SNX3: variants seen among roughly 807,000 people sequenced by gnomAD.
SNX3 encodes the protein sorting nexin 3.
Under a neutral mutation model 17.7 loss-of-function variants are expected in SNX3, and 5 were observed. That is an observed-to-expected ratio of 0.28 (90% CI 0.15 to 0.59). SNX3 has a LOEUF of 0.59. SNX3 is among the 20% of genes least tolerant of loss of function. The probability of loss-of-function intolerance (pLI) is 0.88; values close to 1 mark genes in which losing one functional copy is unlikely to be tolerated. For missense variants in SNX3, 132 were observed against 206.8 expected, an observed-to-expected ratio of 0.64 and a Z score of 2.22; for synonymous variants, 91 against 76.5, an observed-to-expected ratio of 1.19 and a Z score of -0.99.
intron 1 of SNX3, among the ~76,000 whole-genome samples, chr6:108,223,767 G>A (rs1774890159): frequency 6.6e-6 from 1 of 152,106 alleles, no homozygotes; most frequent in Non-Finnish European, 1.5e-5. Context: ...CTCCCAAAAT[G>A]CTACGCTTAC....
intron 1 of SNX3, among the ~76,000 whole-genome samples, chr6:108,259,859 T>A (rs991387425): frequency 2.0e-5 from 3 of 152,236 alleles, no homozygotes; most frequent in Non-Finnish European, 4.4e-5. Context: ...ACTTAACTTT[T>A]AATAATTTGC....
intron 1 of SNX3, among the ~76,000 whole-genome samples, chr6:108,253,462 G>A (rs151092203): frequency 4.0e-4 from 59 of 147,528 alleles, no homozygotes; most frequent in African/African-American, 1.4e-3. Flanking sequence ...AGACATGGAT[G>A]ATGCAAGACA....
At chr6:108,223,077 G>A (rs1774853419) in intron 1 of SNX3, 32 bp from the exon 2 acceptor site, 2 of 1,218,212 alleles carry the variant, frequency 1.6e-6, no homozygotes, top group Non-Finnish European at 2.4e-6. Context: ...CTAAATTGAA[G>A]CACATTAAGG....
chr6:108,251,180 A>G (rs1366164955), intron 1 of SNX3, among the ~76,000 whole-genome samples: 1 of 152,154 alleles, frequency 6.6e-6, no homozygotes, highest in Admixed American at 6.6e-5. Context: ...TCTCAACTTA[A>G]CAAAATTAAT....
chr6:108,244,668 T>G, intron 1 of SNX3, among the ~76,000 whole-genome samples: 1 of 146,464 alleles, frequency 6.8e-6, no homozygotes, highest in East Asian at 2.0e-4. Flanking sequence ...TTTTTTTTTT[T>G]TTTGCTCTGT....
At chr6:108,214,678 T>G in intron 2 of SNX3, 56 bp from the exon 3 acceptor site, 2 of 1,569,720 alleles carry the variant, frequency 1.3e-6, no homozygotes, top group Non-Finnish European at 1.7e-6. Context: ...TGAAAATTTA[T>G]AGAGCACAAC....
At position 108,257,510 on chromosome 6, in the gene SNX3, T is replaced by G. The variant is rs376748891; in HGVS notation, c.162+3250A>C. On this transcript the variant is annotated intron_variant, in intron 1 of 3. Transcript: ENST00000230085. ...CCTGGGCTACAGAACGAGACTCTTA[T>G]CTCAAGAAGAAAAAAATTACAAAAT... is the stretch of plus-strand genomic sequence containing the variant. Among the ~76,000 whole-genome samples, 4 of 152,156 alleles carry G rather than the reference T, an allele frequency of 2.6e-5. No homozygotes were observed. In the East Asian group the frequency reaches 5.8e-4, roughly 22 times the overall value.
intron 1 of SNX3, among the ~76,000 whole-genome samples, chr6:108,232,655 C>T (rs1208429567): frequency 6.6e-6 from 1 of 152,172 alleles, no homozygotes; most frequent in Non-Finnish European, 1.5e-5. Flanking sequence ...AAGAGACTGG[C>T]AACAACATCA....
intron 3 of SNX3, 63 bp from the exon 4 acceptor site, chr6:108,212,317 A>C (rs1774431330): frequency 1.8e-6 from 2 of 1,139,784 alleles, no homozygotes; most frequent in Non-Finnish European, 2.5e-6. Flanking sequence ...TTCAAAACAC[A>C]TATTTTAAAG....
intron 1 of SNX3, among the ~76,000 whole-genome samples, chr6:108,233,068 T>G (rs1465396526): frequency 6.6e-6 from 1 of 152,240 alleles, no homozygotes; most frequent in Non-Finnish European, 1.5e-5. Context: ...GAAGTATCCT[T>G]TATGGTATAA....
chr6:108,232,047 T>C (rs1775177615), intron 1 of SNX3, among the ~76,000 whole-genome samples: 1 of 152,198 alleles, frequency 6.6e-6, no homozygotes, highest in African/African-American at 2.4e-5. Flanking sequence ...GAGAATATAT[T>C]TTGCTTGGCT....
intron 1 of SNX3, among the ~76,000 whole-genome samples, chr6:108,241,734 T>A (rs1403471152): frequency 6.6e-6 from 1 of 152,134 alleles, no homozygotes; most frequent in Non-Finnish European, 1.5e-5. Context: ...CAGGAGGCAA[T>A]CTAACTCAGA....
At chr6:108,246,864 C>A (rs988980581) in intron 1 of SNX3, among the ~76,000 whole-genome samples, 9 of 152,054 alleles carry the variant, frequency 5.9e-5, no homozygotes, top group Non-Finnish European at 1.2e-4. Flanking sequence ...CAAGTCCACA[C>A]TGGATTAGCT....
intron 2 of SNX3, among the ~76,000 whole-genome samples, chr6:108,220,873 C>T (rs1774743736): frequency 2.0e-5 from 3 of 151,610 alleles, no homozygotes; most frequent in Admixed American, 2.0e-4. Context: ...CCCAGCTACT[C>T]GGGAGGCTGA....
In SNX3 at chr6:108,229,841, C is replaced by T. The variant is rs544468835; in HGVS notation, c.163-6796G>A. 7.2e-4 allele frequency among the ~76,000 whole-genome samples: 110 copies of T among 152,246 alleles called. 1 individual carries two copies. The highest frequency in any genetic ancestry group is 2.6e-3 in the African/African-American group (106 of 41,534). On this transcript the variant is annotated intron_variant, in intron 1 of 3. Coordinates refer to ENST00000230085, the MANE Select transcript of SNX3 (RefSeq NM_003795.6). ...ATAAAACTGAAAAGTTTAAATTGCACTCTAAATATGGGGCTAAGGTGACTA... is the reference window on the plus strand; with the variant it reads ...ATAAAACTGAAAAGTTTAAATTGCATTCTAAATATGGGGCTAAGGTGACTA...
At chr6:108,216,627 CTG>C (rs1199488334) in intron 2 of SNX3, among the ~76,000 whole-genome samples, 1 of 152,044 alleles carries the variant, frequency 6.6e-6, no homozygotes, top group Non-Finnish European at 1.5e-5. Flanking sequence ...ATATAGTAAA[CTG>C]ATACATATTT....
At chr6:108,239,799 T>C (rs1775463036) in intron 1 of SNX3, among the ~76,000 whole-genome samples, 2 of 152,198 alleles carry the variant, frequency 1.3e-5, no homozygotes, top group Non-Finnish European at 2.9e-5. Flanking sequence ...CTCTACTAAA[T>C]GAGCATTTAA....
intron 1 of SNX3, among the ~76,000 whole-genome samples, chr6:108,257,508 TATCTC>T (rs1450663619): frequency 6.6e-6 from 1 of 152,294 alleles, no homozygotes; most frequent in African/African-American, 2.4e-5. Context: ...ACGAGACTCT[TATCTC>T]AAGAAGAAAA....
intron 1 of SNX3, among the ~76,000 whole-genome samples, chr6:108,249,214 A>C (rs1320377329): frequency 6.6e-6 from 1 of 152,090 alleles, no homozygotes; most frequent in Non-Finnish European, 1.5e-5. Flanking sequence ...TACACACACA[A>C]AACCCCACAA....
Sources: allele counts gnomAD v4.1 joint callset (sites outside exome capture counted in the v4.1 genomes callset), GRCh38; gene constraint gnomAD v4.1.1; transcripts MANE v1.5; gene names NCBI Gene and HGNC (gene_info 2026-07-23, HGNC 2026-07-21).